The following RAB8A variants were observed in gnomAD, a reference collection of about 807,000 sequenced individuals.
RAB8A encodes the protein ras-related protein Rab-8A.
RAB8A carries 5 observed loss-of-function variants against 29.2 expected under a neutral mutation model. The ratio of observed to expected loss-of-function variants is 0.17; its 90% confidence interval spans 0.09 to 0.36. The LOEUF (loss-of-function observed/expected upper bound fraction) is 0.36, where lower values mean the gene tolerates loss of function less well. Among genes scored for constraint, RAB8A ranks in the 10% least tolerant of loss-of-function variants. The pLI is 1.00. For synonymous variants in RAB8A, 108 were observed against 99.9 expected (o/e 1.08, Z -0.49); for missense variants, 171 against 272.2 (o/e 0.63, Z 2.62).
intron 2 of RAB8A, among the ~76,000 whole-genome samples, chr19:16,121,353 A>G (rs2090874799): frequency 6.6e-6 from 1 of 152,042 alleles, no homozygotes; most frequent in African/African-American, 2.4e-5. Flanking sequence ...ATGAGGAGGG[A>G]CTTTCCCCAT....
intron 2 of RAB8A, among the ~76,000 whole-genome samples, chr19:16,118,496 A>C (rs78696309): frequency 0.032 from 4,832 of 152,232 alleles, 102 homozygotes; most frequent in Middle Eastern, 0.061. Flanking sequence ...CAGGGCCTAC[A>C]GCATCATAGG....
At chr19:16,113,348 A>G (rs141503254) in intron 1 of RAB8A, among the ~76,000 whole-genome samples, 50 of 152,280 alleles carry the variant, frequency 3.3e-4, no homozygotes, top group African/African-American at 1.2e-3. Flanking sequence ...GAACCCCAAG[A>G]TAATGTGCTA....
rs1049614375 is a variant in RAB8A at position 16,125,338 on chromosome 19, G to A, written c.247-132G>A. On this transcript the variant is annotated intron_variant, in intron 3 of 7. Transcript: ENST00000300935. The surrounding 1 kb of genome is among the most constrained non-coding windows in gnomAD (Gnocchi z 5.0). Reference sequence around the variant, plus strand: ...GGCTTCCGGGGCTCCACAGAGGTGGGGAGGGCGGCAGCTAATGGGCCTGGC... The same window carrying A: ...GGCTTCCGGGGCTCCACAGAGGTGGAGAGGGCGGCAGCTAATGGGCCTGGC... 8.2e-6 allele frequency: 6 copies of A among 735,386 alleles called. No individual in the cohort carries two copies. Among genetic ancestry groups the A allele is most frequent in the South Asian group, 5.0e-5 (3 of 59,810 alleles). 45.6% of individuals were successfully genotyped at this position (735,386 alleles called of 1,614,324 possible). A position where few individuals can be genotyped will look rare whatever the true frequency, so the allele number is the denominator to read the frequency against.
chr19:16,121,818 CT>C lies in RAB8A; in HGVS notation c.246+13del, dbSNP rs748606797. ...TACTACAGGGGTGCAATGGTAGGGA[CT>C]TTTTGTTTGGTTGTTTTTATCTGCT... On this transcript the variant is annotated intron_variant, in intron 3 of 7. Coordinates refer to ENST00000300935, the MANE Select transcript of RAB8A (RefSeq NM_005370.5). 1.2e-5 allele frequency: 20 copies of C among 1,612,062 alleles called. 2 individuals are homozygous for C. In the East Asian group the frequency reaches 4.5e-4, roughly 36 times the overall value.
In RAB8A at chr19:16,112,294, GT is replaced by G. The variant is rs1255674505; in HGVS notation, c.124+270del. 8.7e-5 allele frequency: 41 copies of G among 472,426 alleles called. No homozygotes were observed. In the Admixed American group the frequency reaches 1.4e-3, roughly 16 times the overall value. The allele number at this position is 472,426 out of a possible 1,614,324, so 29.3% of individuals were successfully genotyped here. On this transcript the variant is annotated intron_variant, in intron 1 of 7. Transcript: ENST00000300935. ...AGGGCGTGTTATGTCTTGGGCTGGG[GT>G]CTTCGCGCCCGTCCTCTCGATCTGT...
At chr19:16,114,930 C>T (rs980705374) in intron 1 of RAB8A, among the ~76,000 whole-genome samples, 1 of 151,712 alleles carries the variant, frequency 6.6e-6, no homozygotes, top group African/African-American at 2.4e-5. Context: ...GTTTACACTT[C>T]CTAATTAAAT....
At position 16,125,900 on chromosome 19, in the gene RAB8A, G is replaced by T. The variant is rs533424293; in HGVS notation, c.324+353G>T. 2.0e-5 allele frequency: 8 copies of T among 404,768 alleles called. No individual in the cohort carries two copies. Among genetic ancestry groups the T allele is most frequent in the Middle Eastern group, 7.9e-4 (1 of 1,260 alleles). 25.1% of individuals were successfully genotyped at this position (404,768 alleles called of 1,614,324 possible). A position where few individuals can be genotyped will look rare whatever the true frequency, so the allele number is the denominator to read the frequency against. ...AGCACAGGTGTGACCCTTGTAGTTG[G>T]AGGGTGTGGTGAGCAGGCGTCAGTT... is the stretch of plus-strand genomic sequence containing the variant. On this transcript the variant is annotated intron_variant, in intron 4 of 7. Transcript: ENST00000300935. This position sits in a 1 kb window ranked among gnomAD's most constrained non-coding sequence, Gnocchi z 5.0.
At chr19:16,131,009 A>G (rs1331056606) in intron 7 of RAB8A, among the ~76,000 whole-genome samples, 6 of 152,132 alleles carry the variant, frequency 3.9e-5, no homozygotes, top group Non-Finnish European at 7.4e-5. Context: ...TTTTTAGTAG[A>G]GACGAGGCTT....
At chr19:16,126,146 G>T (rs1025524356) in intron 4 of RAB8A, 4 of 181,186 alleles carry the variant, frequency 2.2e-5, no homozygotes, top group African/African-American at 9.3e-5. Flanking sequence ...TCAGGTCTGA[G>T]GCACAGCCAG....
chr19:16,127,492 A>G lies in RAB8A; in HGVS notation c.380A>G (p.Asp127Gly). The G allele has an allele frequency of 6.5e-7, 1 of 1,542,728 alleles. No homozygotes were observed. The highest frequency in any genetic ancestry group is 8.7e-7 in the Non-Finnish European group (1 of 1,148,762). ...CTCGGGAACAAGTGTGATGTGAATGACAAGAGACAAGTTTCCAAGGAACGG... is the reference window on the plus strand; with the variant it reads ...CTCGGGAACAAGTGTGATGTGAATGGCAAGAGACAAGTTTCCAAGGAACGG... ...MILGNKCDVN[D>G]KRQVSKERGE... is the part of the protein sequence containing the mutation. Residue 127 changes from aspartate (D) to glycine (G), a missense_variant, in exon 5 of 8, where the codon GAC becomes GGC. Around this residue, in one of 3 missense-constraint regions of RAB8A, gnomAD observed 145 missense variants for 212.8 expected, o/e 0.68. Coordinates refer to ENST00000300935, the MANE Select transcript of RAB8A (RefSeq NM_005370.5). This position sits in a 1 kb window ranked among gnomAD's most constrained non-coding sequence, Gnocchi z 4.8.
chr19:16,129,653 C>A (rs1427728051), intron 7 of RAB8A, 49 bp downstream of exon 7: 1 of 1,584,896 alleles, frequency 6.3e-7, no homozygotes, highest in Non-Finnish European at 8.7e-7. Context: ...TGGGATCCAG[C>A]CATCGTCGTT....
At chr19:16,113,533 C>A (rs577862867) in intron 1 of RAB8A, among the ~76,000 whole-genome samples, 1 of 152,114 alleles carries the variant, frequency 6.6e-6, no homozygotes, top group East Asian at 1.9e-4. Context: ...TCCCTAGTAG[C>A]TGGGATTATA....
rs2090939550 is a variant in RAB8A, at chr19:16,133,496, T to C, written c.*1192T>C. The C allele has an allele frequency of 6.6e-6, 1 of 152,058 alleles. No homozygotes were observed. Among genetic ancestry groups the C allele is most frequent in the South Asian group, 2.1e-4 (1 of 4,808 alleles). The allele number at this position is 152,058 out of a possible 1,614,324, so 9.4% of individuals were successfully genotyped here. A position where few individuals can be genotyped will look rare whatever the true frequency, so the allele number is the denominator to read the frequency against. On this transcript the variant is annotated 3_prime_UTR_variant, in exon 8 of 8. Coordinates refer to ENST00000300935, the MANE Select transcript of RAB8A (RefSeq NM_005370.5). ...CTTAAGCTGCTGTCAATCCAAACCA[T>C]TGGCATCATCGTTTCTTTTGAATTA...
chr19:16,130,818 T>A (rs1278322083), intron 7 of RAB8A, among the ~76,000 whole-genome samples: 2 of 148,360 alleles, frequency 1.3e-5, no homozygotes. Flanking sequence ...GCCTGGCTAA[T>A]TTTTTTTCTT....
At chr19:16,115,164 T>C (rs781253839) in intron 1 of RAB8A, among the ~76,000 whole-genome samples, 4 of 151,182 alleles carry the variant, frequency 2.6e-5, no homozygotes, top group African/African-American at 4.9e-5. Flanking sequence ...GGCGCTTGCC[T>C]GTATTCCCAG....
chr19:16,121,865 G>A (rs1568320399), intron 3 of RAB8A, 55 bp downstream of exon 3: 12 of 1,514,918 alleles, frequency 7.9e-6, no homozygotes, highest in South Asian at 3.4e-5. Context: ...ACATGGGAGC[G>A]TCACTGTGCA....
intron 3 of RAB8A, chr19:16,124,021 CA>C: frequency 6.6e-6 from 1 of 152,094 alleles, no homozygotes; most frequent in East Asian, 1.9e-4. Context: ...AGGTATAATC[CA>C]GGAATTTGAG....
intron 1 of RAB8A, among the ~76,000 whole-genome samples, chr19:16,114,551 A>ATTTTTTTT (rs758614217): frequency 8.5e-6 from 1 of 117,760 alleles, no homozygotes; most frequent in African/African-American, 3.2e-5. Context: ...TAATTTTTGT[A>ATTTTTTTT]TTTTTTTTTT....
At chr19:16,119,736 T>A (rs1022705053) in intron 2 of RAB8A, among the ~76,000 whole-genome samples, 1 of 152,118 alleles carries the variant, frequency 6.6e-6, no homozygotes, top group Non-Finnish European at 1.5e-5. Flanking sequence ...CTTCTGCTCT[T>A]AGCAATCGTG....
Sources: allele counts gnomAD v4.1 joint callset (sites outside exome capture counted in the v4.1 genomes callset), GRCh38; gene constraint gnomAD v4.1.1; regional missense constraint gnomAD v4.1.1; non-coding constraint Gnocchi (gnomAD v3.1); transcripts MANE v1.5; gene names NCBI Gene and HGNC (gene_info 2026-07-23, HGNC 2026-07-21).